Variants in DPYSL3 observed in about 807,000 individuals in gnomAD.
DPYSL3 encodes the protein dihydropyrimidinase-related protein 3.
DPYSL3 carries 16 observed loss-of-function variants against 66.1 expected under a neutral mutation model. That is an observed-to-expected ratio of 0.24 (90% CI 0.16 to 0.37). The LOEUF is 0.37. Among genes scored for constraint, DPYSL3 ranks in the 10% least tolerant of loss-of-function variants. The pLI is 1.00. For missense variants in DPYSL3, 738 were observed against 916.2 expected (o/e 0.81, Z 2.51); for synonymous variants, 338 against 345.1 (o/e 0.98, Z 0.23).
intron 1 of DPYSL3, among the ~76,000 whole-genome samples, chr5:147,500,910 G>A (rs569710518): frequency 6.6e-6 from 1 of 152,302 alleles, no homozygotes; most frequent in South Asian, 2.1e-4. Context: ...CAATTTGGCA[G>A]TTTCTTAGAA....
intron 12 of DPYSL3, among the ~76,000 whole-genome samples, chr5:147,397,044 T>A (rs1011380568): frequency 6.8e-6 from 1 of 147,880 alleles, no homozygotes; most frequent in Non-Finnish European, 1.5e-5. Context: ...TATATTTATA[T>A]ATTATTCTAT....
At chr5:147,500,398 G>A (rs1361210560) in intron 1 of DPYSL3, among the ~76,000 whole-genome samples, 3 of 152,120 alleles carry the variant, frequency 2.0e-5, no homozygotes, top group Non-Finnish European at 4.4e-5. Context: ...CGGATCACCT[G>A]AGGTTAGGAG....
intron 3 of DPYSL3, among the ~76,000 whole-genome samples, chr5:147,416,324 C>T (rs942406603): frequency 6.6e-6 from 1 of 152,126 alleles, no homozygotes; most frequent in Non-Finnish European, 1.5e-5. Flanking sequence ...AGACTCTCTT[C>T]CAAGGGCGAA....
chr5:147,466,860 G>C (rs925440675), intron 1 of DPYSL3, among the ~76,000 whole-genome samples: 2 of 152,214 alleles, frequency 1.3e-5, no homozygotes, highest in African/African-American at 4.8e-5. Flanking sequence ...TTTTGCGGGG[G>C]AAAGTAGGGA....
intron 1 of DPYSL3, among the ~76,000 whole-genome samples, chr5:147,493,099 G>A (rs958957454): frequency 2.0e-5 from 3 of 152,110 alleles, no homozygotes; most frequent in Admixed American, 1.3e-4. Flanking sequence ...AAATAAAGAG[G>A]GACATTACAT....
Position 147,401,654 on chromosome 5 carries a change from A to G in DPYSL3, c.1196T>C (p.Ile399Thr). 1 of 1,614,184 alleles carries G rather than the reference A, an allele frequency of 6.2e-7. No individual in the cohort carries two copies. The highest frequency in any genetic ancestry group is 8.5e-7 in the Non-Finnish European group (1 of 1,180,032). Residue 399 changes from isoleucine (I) to threonine (T), a missense_variant, in exon 9 of 14, where the codon ATA becomes ACA. Ile to Thr is a moderately conservative substitution (Grantham distance 89, BLOSUM62 -1). Coordinates refer to ENST00000343218, the MANE Select transcript of DPYSL3 (RefSeq NM_001197294.2). ...FGEPITASLGIDGTHYWSKNW... is the reference protein window; with the variant it reads ...FGEPITASLGTDGTHYWSKNW... Reference sequence around the variant, plus strand: ...CTTGCTCCAATAATGGGTTCCATCTATGCCGAGGCTGGCAGTGATGGGCTC... The same window carrying G: ...CTTGCTCCAATAATGGGTTCCATCTGTGCCGAGGCTGGCAGTGATGGGCTC...
At chr5:147,473,773 G>A (rs1021525787) in intron 1 of DPYSL3, among the ~76,000 whole-genome samples, 13 of 151,960 alleles carry the variant, frequency 8.6e-5, no homozygotes. Context: ...CTAAGCAGTT[G>A]GAAATTCAGG....
intron 1 of DPYSL3, among the ~76,000 whole-genome samples, chr5:147,492,857 T>A (rs6580464): frequency 0.55 from 83,400 of 151,902 alleles, 23,668 homozygotes; most frequent in African/African-American, 0.68. Flanking sequence ...ATCACCTTAC[T>A]TGTCAATGAT....
intron 1 of DPYSL3, among the ~76,000 whole-genome samples, chr5:147,446,351 C>T (rs1214985345): frequency 6.6e-6 from 1 of 152,218 alleles, no homozygotes; most frequent in East Asian, 1.9e-4. Context: ...CATCCAAGAA[C>T]AAGATGGTTC....
intron 1 of DPYSL3, among the ~76,000 whole-genome samples, chr5:147,507,032 T>A (rs938912655): frequency 2.0e-5 from 3 of 152,192 alleles, no homozygotes; most frequent in South Asian, 2.1e-4. Flanking sequence ...ATTTGCCACA[T>A]ACTATACACA....
At position 147,509,771 on chromosome 5, in the gene DPYSL3, G is replaced by C. The variant is rs1243989732; in HGVS notation, c.88C>G (p.Pro30Ala). The C allele has an allele frequency of 6.5e-7, 1 of 1,535,998 alleles. No homozygotes were observed. The highest frequency in any genetic ancestry group is 1.2e-5 in the South Asian group (1 of 84,064). ...AACATGCCGCCGTATTTCTGCCGCG[G>C]GACCTGGTCCGTGGTGCCCGGCCTG... ...LARPGTTDQVPRQKYGGMFCN... is the reference protein window; with the variant it reads ...LARPGTTDQVARQKYGGMFCN... Residue 30 changes from proline to alanine, a missense_variant, in exon 1 of 14, where the codon CCG (proline) becomes GCG (alanine). Physicochemically the swap from Pro to Ala is conservative, Grantham distance 27. Coordinates refer to ENST00000343218, the MANE Select transcript of DPYSL3 (RefSeq NM_001197294.2). The surrounding 1 kb of genome is among the most constrained non-coding windows in gnomAD (Gnocchi z 5.3).
At chr5:147,425,690 G>T (rs963345092) in intron 1 of DPYSL3, among the ~76,000 whole-genome samples, 1 of 152,072 alleles carries the variant, frequency 6.6e-6, no homozygotes, top group Non-Finnish European at 1.5e-5. Context: ...CTATAACTTA[G>T]ATGAAATTTG....
chr5:147,444,224 T>C (rs912436616), intron 1 of DPYSL3, among the ~76,000 whole-genome samples: 1 of 152,148 alleles, frequency 6.6e-6, no homozygotes, highest in African/African-American at 2.4e-5. Context: ...GAATTTTGGT[T>C]CCATCATTTA....
At chr5:147,474,135 C>A (rs1182513072) in intron 1 of DPYSL3, among the ~76,000 whole-genome samples, 1 of 152,026 alleles carries the variant, frequency 6.6e-6, no homozygotes, top group Non-Finnish European at 1.5e-5. Flanking sequence ...ATAATACTTT[C>A]ATCACACAAT....
intron 1 of DPYSL3, among the ~76,000 whole-genome samples, chr5:147,449,902 C>T (rs967547638): frequency 3.3e-5 from 5 of 152,106 alleles, no homozygotes; most frequent in South Asian, 2.1e-4. Context: ...ATTTCAAAAA[C>T]GTGTTCTTAT....
chr5:147,453,747 CGCG>C lies in DPYSL3; in HGVS notation c.382-28787_382-28785del, dbSNP rs1430587831. 7,990 of 1,315,858 alleles carry C rather than the reference CGCG, an allele frequency of 6.1e-3. 37 individuals are homozygous for C. The highest frequency in any genetic ancestry group is 6.7e-3 in the Non-Finnish European group (6,932 of 1,034,016). The allele number at this position is 1,315,858 out of a possible 1,614,324, so 81.5% of individuals were successfully genotyped here. A position where few individuals can be genotyped will look rare whatever the true frequency, so the allele number is the denominator to read the frequency against. Reference sequence around the variant, plus strand: ...CGCCTCCGCCCCCCTCCCGGGCTCCCGCGGCGGCTGCCAGAGACAATAGTAAAT... The same window carrying C: ...CGCCTCCGCCCCCCTCCCGGGCTCCCGCGGCTGCCAGAGACAATAGTAAAT... On this transcript the variant is annotated intron_variant, in intron 1 of 13. Coordinates refer to ENST00000343218, the MANE Select transcript of DPYSL3 (RefSeq NM_001197294.2).
intron 1 of DPYSL3, among the ~76,000 whole-genome samples, chr5:147,466,634 C>A (rs1753013594): frequency 6.6e-6 from 1 of 152,208 alleles, no homozygotes; most frequent in African/African-American, 2.4e-5. Flanking sequence ...CAACAGTTCA[C>A]TCCCAGAAGG....
intron 1 of DPYSL3, among the ~76,000 whole-genome samples, chr5:147,461,985 A>C (rs1286805612): frequency 6.6e-6 from 1 of 152,158 alleles, no homozygotes; most frequent in Admixed American, 6.5e-5. Context: ...TTTTATCCTA[A>C]GGGAATGGCA....
At chr5:147,419,056 A>C (rs1483002625) in intron 2 of DPYSL3, among the ~76,000 whole-genome samples, 1 of 152,232 alleles carries the variant, frequency 6.6e-6, no homozygotes, top group Non-Finnish European at 1.5e-5. Context: ...AGATAATAGT[A>C]AATCATTTAA....
Sources: allele counts gnomAD v4.1 joint callset (sites outside exome capture counted in the v4.1 genomes callset), GRCh38; gene constraint gnomAD v4.1.1; non-coding constraint Gnocchi (gnomAD v3.1); transcripts MANE v1.5; gene names NCBI Gene and HGNC (gene_info 2026-07-23, HGNC 2026-07-21).